The following FOXP1 variants were observed in gnomAD, a reference collection of about 807,000 sequenced individuals.
The protein encoded by FOXP1 is forkhead box P1, also known as forkhead box protein P1.
A neutral mutation model predicts 98.2 loss-of-function variants in FOXP1; 15 were observed. The observed-to-expected ratio is 0.15, with a 90% CI of 0.10 to 0.24. FOXP1 has a LOEUF of 0.24. FOXP1 is among the 10% of genes least tolerant of loss of function. The pLI is 1.00. For synonymous variants in FOXP1, 371 were observed against 314.5 expected (o/e 1.18, Z -1.90); for missense variants, 633 against 848.5 (o/e 0.75, Z 3.15).
In FOXP1 at chr3:71,446,249, T is replaced by A. The variant is rs1352277306; in HGVS notation, c.-168+47177A>T. ...ACTTGTGGGCACCCTTGATTTTTTT[T>A]AATATAACTATGAAAATTCAGGCTC... is the stretch of plus-strand genomic sequence containing the variant. On this transcript the variant is annotated intron_variant, in intron 3 of 20. Coordinates refer to ENST00000649528, the MANE Select transcript of FOXP1 (RefSeq NM_001349338.3). Among the ~76,000 whole-genome samples the A allele has an allele frequency of 4.6e-5, 7 of 152,168 alleles. No homozygotes were observed. In the South Asian group the frequency reaches 1.2e-3, roughly 27 times the overall value.
At chr3:71,483,930 T>A (rs1309515282) in intron 3 of FOXP1, among the ~76,000 whole-genome samples, 5 of 152,178 alleles carry the variant, frequency 3.3e-5, no homozygotes, top group Admixed American at 6.5e-5. Context: ...AAAAGCTCAT[T>A]TTTTTGTAAC....
At chr3:71,514,087 G>GC (rs2042391055) in intron 2 of FOXP1, among the ~76,000 whole-genome samples, 1 of 152,120 alleles carries the variant, frequency 6.6e-6, no homozygotes, top group South Asian at 2.1e-4. Context: ...TTTGACAAAG[G>GC]CAAGTCCTTT....
At chr3:71,032,686 G>A (rs772716107) in intron 11 of FOXP1, among the ~76,000 whole-genome samples, 16 of 152,064 alleles carry the variant, frequency 1.1e-4, no homozygotes, top group Non-Finnish European at 2.9e-5. Flanking sequence ...ACACTGGTGC[G>A]AACACAGCAA....
intron 9 of FOXP1, 91 bp from the exon 10 acceptor site, chr3:71,047,186 T>A (rs1173076082): frequency 1.4e-6 from 2 of 1,456,520 alleles, no homozygotes; most frequent in African/African-American, 2.8e-5. Context: ...CATCATCAAA[T>A]GCTGAGAATG....
chr3:71,139,933 T>C (rs1050416806), intron 6 of FOXP1, among the ~76,000 whole-genome samples: 3 of 152,152 alleles, frequency 2.0e-5, no homozygotes, highest in Non-Finnish European at 2.9e-5. Flanking sequence ...ACAAGGTTCC[T>C]AAGTGCCTCT....
At chr3:71,341,145 C>A (rs1349916824) in intron 4 of FOXP1, among the ~76,000 whole-genome samples, 1 of 152,166 alleles carries the variant, frequency 6.6e-6, no homozygotes, top group African/African-American at 2.4e-5. Flanking sequence ...AGACATCCAT[C>A]CATAGCAACT....
At chr3:70,970,293 C>T (rs1404094310) in intron 19 of FOXP1, 1 of 193,328 alleles carries the variant, frequency 5.2e-6, no homozygotes, top group African/African-American at 2.4e-5. Context: ...AGACAAAAGC[C>T]AAGATGCTAC....
intron 6 of FOXP1, among the ~76,000 whole-genome samples, chr3:71,130,058 G>A (rs907800422): frequency 9.9e-5 from 15 of 152,172 alleles, no homozygotes; most frequent in Admixed American, 5.9e-4. Context: ...TGACGGTGTC[G>A]TGATGCAAAC....
chr3:71,075,079 G>C (rs920196829), intron 7 of FOXP1, among the ~76,000 whole-genome samples: 1 of 152,180 alleles, frequency 6.6e-6, no homozygotes, highest in Non-Finnish European at 1.5e-5. Context: ...ACATCAGGGT[G>C]GTGGAGCTTA....
intron 3 of FOXP1, among the ~76,000 whole-genome samples, chr3:71,438,711 T>C (rs1388137278): frequency 6.7e-6 from 1 of 150,110 alleles, no homozygotes; most frequent in Non-Finnish European, 1.5e-5. Flanking sequence ...TAGAATTATA[T>C]AGATTTAGGG....
At chr3:71,019,297 T>G (rs9843058) in intron 11 of FOXP1, among the ~76,000 whole-genome samples, 12,376 of 152,208 alleles carry the variant, frequency 0.081, 801 homozygotes, top group East Asian at 0.26. Flanking sequence ...TTTAGATAAA[T>G]TATTCAAGGG....
At chr3:71,175,458 A>G (rs1442968678) in intron 6 of FOXP1, among the ~76,000 whole-genome samples, 2 of 152,244 alleles carry the variant, frequency 1.3e-5, no homozygotes, top group African/African-American at 2.4e-5. Context: ...TTTTCTTCAA[A>G]TAAGATTGCT....
Position 71,486,989 on chromosome 3 carries a change from C to T in FOXP1, c.-168+6437G>A, listed in dbSNP as rs533351076. Among the ~76,000 whole-genome samples the T allele has an allele frequency of 5.8e-4, 89 of 152,172 alleles. 1 individual carries two copies. The highest frequency in any genetic ancestry group is 6.2e-4 in the South Asian group (3 of 4,820). ...AACTTGCCCTGCACCGGTCAGCACC[C>T]GGCATGTATGTGCCTCTCCCTATGA... On this transcript the variant is annotated intron_variant, in intron 3 of 20. Coordinates refer to ENST00000649528, the MANE Select transcript of FOXP1 (RefSeq NM_001349338.3).
chr3:71,330,787 T>C (rs1039887454), intron 4 of FOXP1, among the ~76,000 whole-genome samples: 2 of 152,242 alleles, frequency 1.3e-5, no homozygotes, highest in Non-Finnish European at 1.5e-5. Context: ...AGAACTTATA[T>C]TACAAAAGAG....
chr3:71,432,859 A>AG (rs1409992207), intron 3 of FOXP1, among the ~76,000 whole-genome samples: 1 of 151,302 alleles, frequency 6.6e-6, no homozygotes, highest in Non-Finnish European at 1.5e-5. Context: ...AAAAAAAAAA[A>AG]AAAAAAATTA....
chr3:70,985,004 C>T (rs894708559), intron 14 of FOXP1, among the ~76,000 whole-genome samples: 1 of 152,186 alleles, frequency 6.6e-6, no homozygotes, highest in African/African-American at 2.4e-5. Context: ...GCAAATGACA[C>T]TTAACACCCA....
intron 5 of FOXP1, among the ~76,000 whole-genome samples, chr3:71,219,180 T>C (rs1486355929): frequency 6.6e-6 from 1 of 152,190 alleles, no homozygotes; most frequent in African/African-American, 2.4e-5. Context: ...GAGCATGCCC[T>C]CATCACATGC....
In FOXP1 at chr3:70,956,732, GTTTTTTTTTTTTTT is replaced by G. The variant is rs142956636; in HGVS notation, c.*2501_*2514del. ...GCACATCATGAAGCTGCCTGGAAAAGTTTTTTTTTTTTTTTTTTTTTTTTTTTTTTTTTTTTTTT... is the reference window on the plus strand; with the variant it reads ...GCACATCATGAAGCTGCCTGGAAAAGTTTTTTTTTTTTTTTTTTTTTTTTT... On this transcript the variant is annotated 3_prime_UTR_variant, in exon 21 of 21. Transcript: ENST00000649528. 0.012 allele frequency: 379 copies of G among 32,794 alleles called. 3 individuals carry two copies. The highest frequency in any genetic ancestry group is 0.031 in the African/African-American group (302 of 9,770). 2.0% of individuals were successfully genotyped at this position (32,794 alleles called of 1,614,324 possible). A position where few individuals can be genotyped will look rare whatever the true frequency, so the allele number is the denominator to read the frequency against.
At chr3:71,437,861 C>T (rs1004440391) in intron 3 of FOXP1, among the ~76,000 whole-genome samples, 5 of 152,138 alleles carry the variant, frequency 3.3e-5, no homozygotes, top group Admixed American at 6.5e-5. Flanking sequence ...AGGGCCCCAC[C>T]CGCACTTGCA....
Sources: gnomAD v4.1 joint callset for allele counts (sites outside exome capture counted in the v4.1 genomes callset) on GRCh38, gnomAD v4.1.1 for gene constraint, MANE v1.5 for transcripts, NCBI Gene and HGNC (gene_info 2026-07-23, HGNC 2026-07-21) for gene names.